C8orf34: variants seen among roughly 807,000 people sequenced by gnomAD.
C8orf34 encodes the protein uncharacterized protein C8orf34.
A neutral mutation model predicts 68.3 loss-of-function variants in C8orf34; 65 were observed. That is an observed-to-expected ratio of 0.95 (90% CI 0.78 to 1.17). The LOEUF is 1.17. C8orf34 is among the 50% of genes most tolerant of loss of function. C8orf34 has a pLI of 0.00. For synonymous variants in C8orf34, 244 were observed against 241.2 expected, an observed-to-expected ratio of 1.01 and a Z score of -0.11; for missense variants, 664 against 655.4, an observed-to-expected ratio of 1.01 and a Z score of -0.14.
chr8:68,336,560 G>T (rs1276114974), intron 1 of C8orf34, among the ~76,000 whole-genome samples: 1 of 152,040 alleles, frequency 6.6e-6, no homozygotes, highest in Non-Finnish European at 1.5e-5. Context: ...ATAGAAACAG[G>T]TATAGATGTA....
chr8:68,530,978 A>G (rs1815219366), intron 6 of C8orf34, among the ~76,000 whole-genome samples: 1 of 152,082 alleles, frequency 6.6e-6, no homozygotes, highest in South Asian at 2.1e-4. Flanking sequence ...ATCAAGATCC[A>G]CATACCCTCC....
chr8:68,738,329 T>C (rs1465643111), intron 10 of C8orf34, among the ~76,000 whole-genome samples: 1 of 152,028 alleles, frequency 6.6e-6, no homozygotes, highest in Non-Finnish European at 1.5e-5. Context: ...TACCACTAAA[T>C]GCCCACATTG....
At chr8:68,354,567 G>T (rs550638035) in intron 1 of C8orf34, among the ~76,000 whole-genome samples, 1 of 152,102 alleles carries the variant, frequency 6.6e-6, no homozygotes, top group South Asian at 2.1e-4. Flanking sequence ...AGAGTGATGG[G>T]GCTGCATCAT....
intron 4 of C8orf34, among the ~76,000 whole-genome samples, chr8:68,473,669 C>G (rs556476547): frequency 6.6e-5 from 10 of 152,284 alleles, no homozygotes; most frequent in African/African-American, 2.4e-4. Context: ...CTTACCCTCA[C>G]TACCTGCCTA....
intron 7 of C8orf34, among the ~76,000 whole-genome samples, chr8:68,540,017 A>G (rs908784880): frequency 1.3e-5 from 2 of 152,124 alleles, no homozygotes; most frequent in African/African-American, 4.8e-5. Context: ...CAAAATCCCA[A>G]ATGGTAAACT....
intron 1 of C8orf34, among the ~76,000 whole-genome samples, chr8:68,386,658 A>C (rs192385960): frequency 2.0e-5 from 3 of 152,312 alleles, no homozygotes; most frequent in Non-Finnish European, 4.4e-5. Context: ...TTTGAGAAAT[A>C]TTAAGGGATT....
At chr8:68,624,798 C>A (rs985556692) in intron 7 of C8orf34, among the ~76,000 whole-genome samples, 10 of 152,032 alleles carry the variant, frequency 6.6e-5, no homozygotes, top group African/African-American at 2.4e-4. Flanking sequence ...TGCAATGGCA[C>A]GATCACAGCT....
Position 68,435,036 on chromosome 8 carries a change from C to T in C8orf34, c.328-4463C>T, listed in dbSNP as rs1272723855. Among the ~76,000 whole-genome samples the T allele has an allele frequency of 4.2e-5, 6 of 143,564 alleles. No homozygotes were observed. The East Asian group carries it at 1.0e-3, about 24-fold the overall frequency. 94.2% of individuals were successfully genotyped at this position (143,564 alleles called of 152,430 possible). On this transcript the variant is annotated intron_variant, in intron 1 of 13. Coordinates refer to ENST00000518698, the MANE Select transcript of C8orf34 (RefSeq NM_052958.4). Reference sequence around the variant, plus strand: ...TTGCACTCCAGCCTGGGTGACAGAGCGAGACTCCATCTCAAAAAAAAAAAA... The same window carrying T: ...TTGCACTCCAGCCTGGGTGACAGAGTGAGACTCCATCTCAAAAAAAAAAAA...
At chr8:68,533,189 A>G in intron 7 of C8orf34, 40 bp downstream of exon 7, 1 of 1,544,970 alleles carries the variant, frequency 6.5e-7, no homozygotes, top group Non-Finnish European at 8.7e-7. Flanking sequence ...TTCTTCTTTG[A>G]CATTGTAAAA....
At chr8:68,685,737 G>A (rs924025768) in intron 8 of C8orf34, among the ~76,000 whole-genome samples, 1 of 151,786 alleles carries the variant, frequency 6.6e-6, no homozygotes, top group African/African-American at 2.4e-5. Context: ...TTAGCCAGGC[G>A]TGGACATATG....
chr8:68,569,108 T>C (rs1414528963), intron 7 of C8orf34, among the ~76,000 whole-genome samples: 2 of 152,236 alleles, frequency 1.3e-5, no homozygotes, highest in African/African-American at 4.8e-5. Context: ...TTATTGACTC[T>C]TATAGAGGTA....
chr8:68,727,980 C>T (rs1821879949), intron 10 of C8orf34, among the ~76,000 whole-genome samples: 1 of 152,204 alleles, frequency 6.6e-6, no homozygotes, highest in South Asian at 2.1e-4. Context: ...CTGCAGCCAA[C>T]TTGAATTTCT....
chr8:68,518,569 T>G (rs548567337), intron 5 of C8orf34, among the ~76,000 whole-genome samples: 12 of 151,992 alleles, frequency 7.9e-5, no homozygotes, highest in Non-Finnish European at 1.5e-4. Flanking sequence ...CAAGGTAGAT[T>G]TTGTGAACAT....
intron 7 of C8orf34, among the ~76,000 whole-genome samples, chr8:68,539,128 CCTAAA>C (rs1231921717): frequency 6.6e-6 from 1 of 152,082 alleles, no homozygotes; most frequent in Non-Finnish European, 1.5e-5. Flanking sequence ...TGTAAACAAA[CCTAAA>C]CTAAATTGAA....
chr8:68,406,277 T>G (rs1809190285), intron 1 of C8orf34, among the ~76,000 whole-genome samples: 1 of 152,098 alleles, frequency 6.6e-6, no homozygotes, highest in South Asian at 2.1e-4. Flanking sequence ...GGTTTGGAAT[T>G]ATCAAGAGTT....
intron 12 of C8orf34, among the ~76,000 whole-genome samples, chr8:68,800,837 A>C (rs1215990899): frequency 6.6e-6 from 1 of 152,222 alleles, no homozygotes; most frequent in Non-Finnish European, 1.5e-5. Context: ...AGAAGTTAGC[A>C]CACTCTGCTT....
chr8:68,438,546 C>T (rs894975507), intron 1 of C8orf34: 1 of 152,124 alleles, frequency 6.6e-6, no homozygotes, highest in African/African-American at 2.4e-5. Context: ...CACTAGAACA[C>T]TGCCTCTCAC....
At chr8:68,545,985 T>G (rs924834964) in intron 7 of C8orf34, among the ~76,000 whole-genome samples, 2 of 152,086 alleles carry the variant, frequency 1.3e-5, no homozygotes, top group Non-Finnish European at 2.9e-5. Context: ...TACATTATTA[T>G]AAGAGGTGAT....
At chr8:68,556,573 CAG>C (rs1816260828) in intron 7 of C8orf34, among the ~76,000 whole-genome samples, 1 of 152,078 alleles carries the variant, frequency 6.6e-6, no homozygotes, top group Non-Finnish European at 1.5e-5. Context: ...CAGCAAACCC[CAG>C]GATCCGGGCA....
Sources: allele counts gnomAD v4.1 joint callset (sites outside exome capture counted in the v4.1 genomes callset), GRCh38; gene constraint gnomAD v4.1.1; transcripts MANE v1.5; gene names NCBI Gene and HGNC (gene_info 2026-07-23, HGNC 2026-07-21).